EPB41L2: variants seen among roughly 807,000 people sequenced by gnomAD.
The protein encoded by EPB41L2 is band 4.1-like protein 2.
EPB41L2 carries 43 observed loss-of-function variants against 113.0 expected under a neutral mutation model. That is an observed-to-expected ratio of 0.38 (90% CI 0.30 to 0.49). The LOEUF (loss-of-function observed/expected upper bound fraction) is 0.49. EPB41L2 is among the 20% of genes least tolerant of loss of function. The probability of loss-of-function intolerance (pLI) is 0.95; values close to 1 mark genes in which losing one functional copy is unlikely to be tolerated. For synonymous variants in EPB41L2, 442 were observed against 436.7 expected (o/e 1.01, Z -0.15); for missense variants, 1,147 against 1,223.4 (o/e 0.94, Z 0.93).
chr6:130,939,289 T>C (rs9321258), intron 3 of EPB41L2, among the ~76,000 whole-genome samples: 18,878 of 151,698 alleles, frequency 0.12, 1,502 homozygotes, highest in African/African-American at 0.21. Context: ...AGTCTCACTC[T>C]ATCACCCAGG....
intron 19 of EPB41L2, among the ~76,000 whole-genome samples, chr6:130,857,042 T>C (rs1213977519): frequency 6.6e-6 from 1 of 152,210 alleles, no homozygotes; most frequent in African/African-American, 2.4e-5. Context: ...TATTTGTATA[T>C]ATTTCTGATT....
intron 1 of EPB41L2, 69 bp from the exon 2 acceptor site, chr6:130,956,568 G>A: frequency 7.3e-7 from 1 of 1,365,382 alleles, no homozygotes; most frequent in South Asian, 1.4e-5. Flanking sequence ...GGTTGCGAGG[G>A]GCATGGTAAG....
At chr6:130,884,757 G>A (rs1790395614) in intron 12 of EPB41L2, among the ~76,000 whole-genome samples, 2 of 152,146 alleles carry the variant, frequency 1.3e-5, no homozygotes, top group African/African-American at 4.8e-5. Context: ...AAATAATCAA[G>A]AAGCTACATT....
At chr6:130,899,320 C>T (rs1795611687) in intron 8 of EPB41L2, among the ~76,000 whole-genome samples, 171 bp downstream of exon 8, 1 of 151,908 alleles carries the variant, frequency 6.6e-6, no homozygotes. Context: ...CATGGTCCCT[C>T]CCACAACCAA....
chr6:130,868,010 C>T (rs1784459582), intron 15 of EPB41L2: 2 of 170,754 alleles, frequency 1.2e-5, no homozygotes, highest in African/African-American at 2.4e-5. Flanking sequence ...CTCCTCCCTC[C>T]TTAGCTTTGG....
chr6:130,853,818 C>T (rs1779457974), intron 19 of EPB41L2, among the ~76,000 whole-genome samples: 1 of 152,126 alleles, frequency 6.6e-6, no homozygotes, highest in Non-Finnish European at 1.5e-5. Flanking sequence ...CAGACAGTTC[C>T]CCTTCTTTTT....
chr6:131,018,053 C>A (rs1270652948), intron 1 of EPB41L2, among the ~76,000 whole-genome samples: 1 of 152,064 alleles, frequency 6.6e-6, no homozygotes, highest in Admixed American at 6.6e-5. Flanking sequence ...ACAGGATTGC[C>A]ACTTGGCCAA....
At chr6:131,051,935 T>TA (rs2128198777) in intron 1 of EPB41L2, among the ~76,000 whole-genome samples, 1 of 52,824 alleles carries the variant, frequency 1.9e-5, no homozygotes, top group South Asian at 5.8e-4. Context: ...TGTGTTGATT[T>TA]TTTTTTTCTT....
At chr6:130,978,298 G>A (rs1469449793) in intron 1 of EPB41L2, among the ~76,000 whole-genome samples, 1 of 152,204 alleles carries the variant, frequency 6.6e-6, no homozygotes, top group Non-Finnish European at 1.5e-5. Flanking sequence ...AGAGTGTGGT[G>A]GGGAGGTACA....
chr6:130,949,226 C>T (rs1813968176), intron 3 of EPB41L2, among the ~76,000 whole-genome samples: 1 of 152,158 alleles, frequency 6.6e-6, no homozygotes, highest in African/African-American at 2.4e-5. Context: ...TCTCTTCCCA[C>T]AAAACATGCA....
At chr6:131,019,791 T>C (rs1441523635) in intron 1 of EPB41L2, among the ~76,000 whole-genome samples, 1 of 152,140 alleles carries the variant, frequency 6.6e-6, no homozygotes, top group Non-Finnish European at 1.5e-5. Context: ...TTACATATAT[T>C]TATGGGTGAC....
intron 14 of EPB41L2, chr6:130,872,462 G>C: frequency 7.8e-7 from 1 of 1,289,388 alleles, no homozygotes; most frequent in Non-Finnish European, 1.0e-6. Flanking sequence ...AGTGGTGGCT[G>C]AAGTGAAGGT....
chr6:130,919,796 T>C (rs79828806), intron 4 of EPB41L2, among the ~76,000 whole-genome samples: 1 of 152,150 alleles, frequency 6.6e-6, no homozygotes, highest in Non-Finnish European at 1.5e-5. Flanking sequence ...CACACAAATA[T>C]ATTCTGCTGC....
chr6:131,036,436 G>A (rs1483136053), intron 1 of EPB41L2, among the ~76,000 whole-genome samples: 2 of 151,982 alleles, frequency 1.3e-5, no homozygotes, highest in Non-Finnish European at 2.9e-5. Flanking sequence ...AGCAGAAGAC[G>A]GATGTAATAA....
chr6:130,933,876 C>A (rs1165199349), intron 3 of EPB41L2, among the ~76,000 whole-genome samples: 1 of 152,160 alleles, frequency 6.6e-6, no homozygotes. Flanking sequence ...ATGCCACACA[C>A]CACTGGCGTT....
intron 11 of EPB41L2, among the ~76,000 whole-genome samples, chr6:130,888,616 TTCTC>T (rs1332428042): frequency 2.6e-5 from 4 of 152,190 alleles, no homozygotes; most frequent in African/African-American, 4.8e-5. Flanking sequence ...GAGCAATCAT[TTCTC>T]TCAGGGTACT....
intron 3 of EPB41L2, among the ~76,000 whole-genome samples, chr6:130,933,159 G>A (rs1807501412): frequency 6.6e-6 from 1 of 152,116 alleles, no homozygotes; most frequent in Non-Finnish European, 1.5e-5. Context: ...TCCTAGTCTT[G>A]CACATTCCTC....
In EPB41L2 at chr6:131,030,233, C is replaced by T. The variant is rs542009959; in HGVS notation, c.-15+32922G>A. Among the ~76,000 whole-genome samples the T allele has an allele frequency of 2.3e-4, 35 of 152,282 alleles. 1 individual carries two copies. The highest frequency in any genetic ancestry group is 8.2e-4 in the African/African-American group (34 of 41,560). ...ATGGATAGAGGAACCTCTCATAGCACGACATGGCCAGGCTGAGATGGGCTA... is the reference window on the plus strand; with the variant it reads ...ATGGATAGAGGAACCTCTCATAGCATGACATGGCCAGGCTGAGATGGGCTA... On this transcript the variant is annotated intron_variant, in intron 1 of 19. Coordinates refer to ENST00000337057, the MANE Select transcript of EPB41L2 (RefSeq NM_001431.4).
intron 4 of EPB41L2, among the ~76,000 whole-genome samples, chr6:130,914,209 T>A (rs1323835706): frequency 6.6e-6 from 1 of 152,220 alleles, no homozygotes; most frequent in Non-Finnish European, 1.5e-5. Flanking sequence ...TAAATATGCA[T>A]ACAAGTACCT....
Sources: gnomAD v4.1 joint callset for allele counts (sites outside exome capture counted in the v4.1 genomes callset) on GRCh38, gnomAD v4.1.1 for gene constraint, MANE v1.5 for transcripts, NCBI Gene and HGNC (gene_info 2026-07-23, HGNC 2026-07-21) for gene names.